Variants in ZFAND6 observed in about 807,000 individuals in gnomAD.
ZFAND6 encodes the protein zinc finger AN1-type containing 6.
A neutral mutation model predicts 24.5 loss-of-function variants in ZFAND6; 12 were observed. That is an observed-to-expected ratio of 0.49 (90% CI 0.31 to 0.79). ZFAND6 has a LOEUF of 0.79. Ranked by LOEUF, ZFAND6 falls within the 30% of genes least tolerant of loss-of-function variation. The pLI, the probability that ZFAND6 is intolerant of heterozygous loss-of-function variation, is 0.04. For missense variants in ZFAND6, 207 were observed against 245.9 expected (o/e 0.84, Z 1.06); for synonymous variants, 92 against 81.5 (o/e 1.13, Z -0.69).
At chr15:80,117,908 T>C (rs980751665) in intron 2 of ZFAND6, among the ~76,000 whole-genome samples, 5 of 152,136 alleles carry the variant, frequency 3.3e-5, no homozygotes, top group African/African-American at 9.7e-5. Context: ...AACTCACTAG[T>C]ATTATTATGA....
Position 80,122,693 on chromosome 15 carries a change from T to C in ZFAND6, c.264-7T>C. On this transcript the variant is annotated splice_region_variant and splice_polypyrimidine_tract_variant and intron_variant, in intron 4 of 6. Transcript: ENST00000261749. ...ACCTTTTAAAATGAAATATTTTGCTTTTCTAGCCCTGTATCAAATCAGTCA... is the reference window on the plus strand; with the variant it reads ...ACCTTTTAAAATGAAATATTTTGCTCTTCTAGCCCTGTATCAAATCAGTCA... The C allele has an allele frequency of 6.2e-7, 1 of 1,610,328 alleles. No individual in the cohort carries two copies. The highest frequency in any genetic ancestry group is 8.5e-7 in the Non-Finnish European group (1 of 1,177,248).
intron 3 of ZFAND6, among the ~76,000 whole-genome samples, chr15:80,121,034 G>A (rs2040122028): frequency 6.6e-6 from 1 of 152,154 alleles, no homozygotes; most frequent in South Asian, 2.1e-4. Context: ...TTTTGTTTCA[G>A]TAGTTGTATA....
At chr15:80,066,313 G>A (rs61405867) in intron 1 of ZFAND6, among the ~76,000 whole-genome samples, 5,119 of 147,678 alleles carry the variant, frequency 0.035, 277 homozygotes, top group East Asian at 0.22. Context: ...CCAATCTATC[G>A]AAACATAAAA....
Position 80,072,305 on chromosome 15 carries a change from A to G in ZFAND6, c.-181+12496A>G, listed in dbSNP as rs28660490. ...TCACAGCTGCTTCTGTGAGATTTTC[A>G]TTTTTGTTACTTAGTTTATTTTTCA... On this transcript the variant is annotated intron_variant, in intron 1 of 6. Transcript: ENST00000261749. Among the ~76,000 whole-genome samples, 210 of 152,198 alleles carry G rather than the reference A, an allele frequency of 1.4e-3. 1 individual carries two copies. The highest frequency in any genetic ancestry group is 4.8e-3 in the African/African-American group (199 of 41,562).
At chr15:80,120,076 C>G (rs2040080341) in intron 2 of ZFAND6, among the ~76,000 whole-genome samples, 1 of 152,130 alleles carries the variant, frequency 6.6e-6, no homozygotes, top group South Asian at 2.1e-4. Flanking sequence ...ATTTCTTTCT[C>G]TAGGAGTTCT....
intron 1 of ZFAND6, chr15:80,075,323 T>A: frequency 4.0e-6 from 1 of 249,878 alleles, no homozygotes; most frequent in South Asian, 3.7e-5. Flanking sequence ...AAGGTAATTG[T>A]AAATACTGTA....
intron 1 of ZFAND6, among the ~76,000 whole-genome samples, chr15:80,095,517 AAAGAGTTTTAACATT>A (rs2038666707): frequency 6.6e-6 from 1 of 152,242 alleles, no homozygotes. Flanking sequence ...TTTCATTCAC[AAAGAGTTTTAACATT>A]CTTTGGTAAC....
At chr15:80,127,868 G>A (rs2040438128) in intron 5 of ZFAND6, among the ~76,000 whole-genome samples, 2 of 151,930 alleles carry the variant, frequency 1.3e-5, no homozygotes, top group African/African-American at 2.4e-5. Context: ...GAAAACATAC[G>A]TCCACACAAA....
At chr15:80,107,889 G>GA (rs1410248852) in intron 2 of ZFAND6, among the ~76,000 whole-genome samples, 2 of 148,336 alleles carry the variant, frequency 1.3e-5, no homozygotes, top group Non-Finnish European at 3.0e-5. Flanking sequence ...CGGGGAGGGG[G>GA]AAGGACCTCT....
intron 1 of ZFAND6, among the ~76,000 whole-genome samples, chr15:80,076,079 A>G (rs2037257391): frequency 6.6e-6 from 1 of 152,164 alleles, no homozygotes; most frequent in Admixed American, 6.6e-5. Context: ...CTTTACAACC[A>G]TTAAGTAATA....
intron 2 of ZFAND6, among the ~76,000 whole-genome samples, chr15:80,100,158 A>C (rs1376283091): frequency 6.6e-6 from 1 of 152,198 alleles, no homozygotes; most frequent in Non-Finnish European, 1.5e-5. Context: ...TACAAGGCTC[A>C]CTTTAATGCA....
chr15:80,092,361 G>A (rs937248434), intron 1 of ZFAND6, among the ~76,000 whole-genome samples: 4 of 151,364 alleles, frequency 2.6e-5, no homozygotes, highest in African/African-American at 4.8e-5. Context: ...GCTTGAGGAC[G>A]GGAGGCGGAG....
At chr15:80,125,016 C>A (rs544193957) in intron 5 of ZFAND6, among the ~76,000 whole-genome samples, 2 of 152,292 alleles carry the variant, frequency 1.3e-5, no homozygotes, top group Non-Finnish European at 2.9e-5. Flanking sequence ...CATACACTTA[C>A]ATGCAATTAC....
At position 80,108,676 on chromosome 15, in the gene ZFAND6, G is replaced by A. The variant is rs142228559; in HGVS notation, c.-18+10098G>A. On this transcript the variant is annotated intron_variant, in intron 2 of 6. Coordinates refer to ENST00000261749, the MANE Select transcript of ZFAND6 (RefSeq NM_019006.4). ...GCTAAATGAACCTCTTTCTGAGTAG[G>A]CTGAATGGAAAAGATGCCCAAAAGC... Among the ~76,000 whole-genome samples the A allele has an allele frequency of 3.3e-5, 5 of 152,096 alleles. No homozygotes were observed. In the South Asian group the frequency reaches 8.3e-4, roughly 25 times the overall value.
chr15:80,074,714 G>A (rs1269819839), intron 1 of ZFAND6, among the ~76,000 whole-genome samples: 2 of 151,902 alleles, frequency 1.3e-5, no homozygotes, highest in Non-Finnish European at 2.9e-5. Flanking sequence ...CTAGACATAT[G>A]TTGTTTCTGT....
chr15:80,104,953 T>A (rs1422558081), intron 2 of ZFAND6, among the ~76,000 whole-genome samples: 1 of 152,242 alleles, frequency 6.6e-6, no homozygotes, highest in East Asian at 1.9e-4. Flanking sequence ...ACAGTAATAT[T>A]TAGTGAACAG....
chr15:80,133,620 T>TTG (rs543380322), intron 6 of ZFAND6, among the ~76,000 whole-genome samples: 3 of 152,160 alleles, frequency 2.0e-5, no homozygotes, highest in Non-Finnish European at 4.4e-5. Context: ...CTATATTAAG[T>TTG]TGTTGGAGAA....
intron 6 of ZFAND6, among the ~76,000 whole-genome samples, chr15:80,136,123 C>CA (rs532411226): frequency 0.26 from 30,295 of 117,750 alleles, 3,522 homozygotes; most frequent in Middle Eastern, 0.34. Context: ...GACCCTGTGT[C>CA]AAAAAAAAAA....
chr15:80,093,716 A>C (rs1034741530), intron 1 of ZFAND6, among the ~76,000 whole-genome samples: 1 of 152,188 alleles, frequency 6.6e-6, no homozygotes, highest in East Asian at 1.9e-4. Flanking sequence ...CAAGAGAAAA[A>C]CTTTGTTTCA....
Sources: gnomAD v4.1 joint callset for allele counts (sites outside exome capture counted in the v4.1 genomes callset) on GRCh38, gnomAD v4.1.1 for gene constraint, MANE v1.5 for transcripts, NCBI Gene and HGNC (gene_info 2026-07-23, HGNC 2026-07-21) for gene names.